Variants in DAOA observed in about 807,000 individuals in gnomAD.
The protein encoded by DAOA is D-amino acid oxidase activator, also known as D-amino acid oxidase regulator.
Under a neutral mutation model 16.4 loss-of-function variants are expected in DAOA, and 15 were observed. The ratio of observed to expected loss-of-function variants is 0.91; its 90% CI spans 0.61 to 1.41. DAOA has a LOEUF of 1.41. Ranked by LOEUF, DAOA falls within the 40% of genes most tolerant of loss-of-function variation. The pLI, the probability that DAOA is intolerant of heterozygous loss-of-function variation, is 0.00. For missense variants in DAOA, 230 were observed against 176.8 expected (o/e 1.30, Z -1.71); for synonymous variants, 75 against 59.1 (o/e 1.27, Z -1.23).
chr13:105,470,563 G>A (rs1423208085), intron 3 of DAOA, among the ~76,000 whole-genome samples: 2 of 152,020 alleles, frequency 1.3e-5, no homozygotes, highest in East Asian at 3.9e-4. Flanking sequence ...AAATAAAGCA[G>A]CTCACCCATG....
At chr13:105,483,392 G>A (rs560648013) in intron 4 of DAOA, among the ~76,000 whole-genome samples, 2 of 152,140 alleles carry the variant, frequency 1.3e-5, no homozygotes, top group Non-Finnish European at 2.9e-5. Context: ...TCTAATAGTA[G>A]TTGGATAGAT....
chr13:105,478,951 A>T (rs1416679588), intron 4 of DAOA, among the ~76,000 whole-genome samples: 1 of 152,200 alleles, frequency 6.6e-6, no homozygotes, highest in East Asian at 1.9e-4. Flanking sequence ...TTTTTGTCTC[A>T]CAGATTGATT....
intron 4 of DAOA, among the ~76,000 whole-genome samples, chr13:105,479,171 A>C (rs1877542006): frequency 6.6e-6 from 1 of 152,216 alleles, no homozygotes; most frequent in Non-Finnish European, 1.5e-5. Context: ...TCCCAAAACA[A>C]GTACATAGCT....
chr13:105,472,750 C>A, intron 4 of DAOA, 65 bp downstream of exon 4: 14 of 1,454,298 alleles, frequency 9.6e-6, no homozygotes, highest in Non-Finnish European at 1.3e-5. Context: ...TTGGAACTTA[C>A]GAAAGCAACT....
intron 4 of DAOA, chr13:105,474,951 C>G: frequency 1.1e-6 from 1 of 893,830 alleles, no homozygotes; most frequent in Non-Finnish European, 1.3e-6. Flanking sequence ...CCGTTCTGAA[C>G]GAACATTCAC....
intron 4 of DAOA, among the ~76,000 whole-genome samples, chr13:105,481,204 G>T (rs1229447814): frequency 5.3e-5 from 8 of 152,034 alleles, no homozygotes; most frequent in Non-Finnish European, 1.2e-4. Context: ...ATAGTCCTGG[G>T]CACAATTTAT....
At position 105,467,105 on chromosome 13, in the gene DAOA, C is replaced by T. The variant is rs966120985; in HGVS notation, c.97C>T (p.Leu33Phe). The T allele has an allele frequency of 3.7e-6, 6 of 1,610,726 alleles. No individual in the cohort carries two copies. The highest frequency in any genetic ancestry group is 3.3e-4 in the Middle Eastern group (2 of 6,042). ...IYFIGFQRSI[L>F]LSKSENSLNS... Reference sequence around the variant, plus strand: ...CTTCATAGGTTTTCAAAGGAGCATTCTTCTGAGCAAATCTGAAAACTCTCT... The same window carrying T: ...CTTCATAGGTTTTCAAAGGAGCATTTTTCTGAGCAAATCTGAAAACTCTCT... The change falls in exon 3 of 6, where the codon CTT (leucine) becomes TTT (phenylalanine). Residue 33 changes from leucine to phenylalanine, a missense_variant. Coordinates refer to ENST00000375936, the MANE Select transcript of DAOA (RefSeq NM_172370.5).
At chr13:105,469,684 G>C (rs1016621350) in intron 3 of DAOA, among the ~76,000 whole-genome samples, 3 of 152,038 alleles carry the variant, frequency 2.0e-5, no homozygotes, top group Non-Finnish European at 4.4e-5. Context: ...AATTCAAATG[G>C]TCTTTTTGGT....
intron 4 of DAOA, among the ~76,000 whole-genome samples, chr13:105,473,156 A>AGT (rs10691575): frequency 0.59 from 88,153 of 149,064 alleles, 27,193 homozygotes; most frequent in East Asian, 0.69. Context: ...CCTACGTGAG[A>AGT]GTGTGTGTGT....
At chr13:105,480,527 C>CATACATAG (rs1555306727) in intron 4 of DAOA, among the ~76,000 whole-genome samples, 9 of 146,752 alleles carry the variant, frequency 6.1e-5, no homozygotes, top group African/African-American at 2.3e-4. Context: ...TGGATAGATA[C>CATACATAG]ATAGATAGAT....
intron 4 of DAOA, among the ~76,000 whole-genome samples, chr13:105,486,180 T>C (rs1878093263): frequency 6.6e-6 from 1 of 152,172 alleles, no homozygotes; most frequent in Non-Finnish European, 1.5e-5. Context: ...GTCCAGGATC[T>C]AAAACATGAT....
intron 4 of DAOA, among the ~76,000 whole-genome samples, chr13:105,474,243 T>C (rs577740839): frequency 6.6e-6 from 1 of 152,168 alleles, no homozygotes; most frequent in Admixed American, 6.5e-5. Flanking sequence ...TCAATAAATA[T>C]CTAAACCATA....
At chr13:105,489,116 A>C (rs1001271443) in intron 4 of DAOA, among the ~76,000 whole-genome samples, 12 of 152,146 alleles carry the variant, frequency 7.9e-5, no homozygotes, top group African/African-American at 2.9e-4. Flanking sequence ...TCTATTACTT[A>C]GTGTGTCCAG....
At chr13:105,470,236 T>A (rs1280067887) in intron 3 of DAOA, among the ~76,000 whole-genome samples, 2 of 152,068 alleles carry the variant, frequency 1.3e-5, no homozygotes, top group East Asian at 3.9e-4. Context: ...TTCTAATATA[T>A]AGCAGCTATC....
chr13:105,477,357 G>A (rs1877408188), intron 4 of DAOA: 1 of 152,024 alleles, frequency 6.6e-6, no homozygotes, highest in Non-Finnish European at 1.5e-5. Flanking sequence ...TTTACTTCTG[G>A]GTTACATACC....
intron 4 of DAOA, among the ~76,000 whole-genome samples, chr13:105,489,420 A>C (rs1878352209): frequency 6.6e-6 from 1 of 152,222 alleles, no homozygotes; most frequent in Non-Finnish European, 1.5e-5. Flanking sequence ...GGTTTGAATC[A>C]GGTCTGCTGG....
At chr13:105,487,591 GAA>G (rs5806501) in intron 4 of DAOA, among the ~76,000 whole-genome samples, 31,643 of 138,146 alleles carry the variant, frequency 0.23, 4,258 homozygotes, top group African/African-American at 0.39. Context: ...AAGAAAAAAA[GAA>G]AAAAAAAAAA....
At chr13:105,479,772 G>A (rs974582457) in intron 4 of DAOA, among the ~76,000 whole-genome samples, 1 of 152,136 alleles carries the variant, frequency 6.6e-6, no homozygotes, top group Non-Finnish European at 1.5e-5. Context: ...CATAAATTTT[G>A]AGGGGACACC....
chr13:105,478,526 A>G (rs2139187130), intron 4 of DAOA, among the ~76,000 whole-genome samples: 1 of 152,282 alleles, frequency 6.6e-6, no homozygotes, highest in Non-Finnish European at 1.5e-5. Flanking sequence ...TCAAGAATAG[A>G]CTTGATTACA....
Sources: gnomAD v4.1 joint callset for allele counts (sites outside exome capture counted in the v4.1 genomes callset) on GRCh38, gnomAD v4.1.1 for gene constraint, MANE v1.5 for transcripts, NCBI Gene and HGNC (gene_info 2026-07-23, HGNC 2026-07-21) for gene names.